Variants in ADAMTSL1 observed in about 807,000 individuals in gnomAD.
ADAMTSL1 encodes the protein ADAMTS like 1.
ADAMTSL1 carries 126 observed loss-of-function variants against 201.8 expected under a neutral mutation model. The observed-to-expected ratio is 0.62, with a 90% CI of 0.54 to 0.72. The LOEUF is 0.72. Among genes scored for constraint, ADAMTSL1 ranks in the 30% least tolerant of loss-of-function variants. The pLI, the probability that ADAMTSL1 is intolerant of heterozygous loss-of-function variation, is 0.00. For missense variants in ADAMTSL1, 2,679 were observed against 2,277.8 expected (o/e 1.18, Z -3.59); for synonymous variants, 1,121 against 903.4 (o/e 1.24, Z -4.32).
chr9:18,818,099 C>G (rs1331528532), intron 21 of ADAMTSL1, among the ~76,000 whole-genome samples: 1 of 152,192 alleles, frequency 6.6e-6, no homozygotes, highest in Non-Finnish European at 1.5e-5. Flanking sequence ...TGAGGCCCAG[C>G]TACTATTTTT....
intron 2 of ADAMTSL1, among the ~76,000 whole-genome samples, chr9:18,375,712 G>A (rs1837260395): frequency 6.6e-6 from 1 of 152,230 alleles, no homozygotes; most frequent in African/African-American, 2.4e-5. Flanking sequence ...TGTGGAGAGT[G>A]AAAGAACAAA....
At chr9:18,828,232 G>C (rs1824716447) in intron 22 of ADAMTSL1, among the ~76,000 whole-genome samples, 1 of 152,160 alleles carries the variant, frequency 6.6e-6, no homozygotes, top group African/African-American at 2.4e-5. Context: ...AGAATTTACA[G>C]TTTTCCTGGG....
In ADAMTSL1 at chr9:18,451,216, C is replaced by T. The variant is rs182882597; in HGVS notation, c.208-53613C>T. ...CTTTTCCTTGAAACAATCATGTTTG[C>T]ATACTCCTTGGAAAGATGTTGGGTA... On this transcript the variant is annotated intron_variant, in intron 2 of 29. Coordinates refer to the ADAMTSL1 transcript ENST00000680146. Among the ~76,000 whole-genome samples the T allele has an allele frequency of 1.0e-3, 159 of 152,264 alleles. 1 individual carries two copies. Among genetic ancestry groups the T allele is most frequent in the Non-Finnish European group, 1.6e-3 (112 of 68,014 alleles).
At chr9:18,276,562 A>C (rs561050245) in intron 2 of ADAMTSL1, among the ~76,000 whole-genome samples, 1 of 152,360 alleles carries the variant, frequency 6.6e-6, no homozygotes, top group Admixed American at 6.5e-5. Context: ...TTGCTAATTT[A>C]GCAAGATGAG....
At chr9:18,217,433 C>T (rs1159312737) in intron 2 of ADAMTSL1, among the ~76,000 whole-genome samples, 1 of 152,090 alleles carries the variant, frequency 6.6e-6, no homozygotes, top group Admixed American at 6.6e-5. Flanking sequence ...CTTTATTCCT[C>T]CCTTTCCTCC....
At chr9:18,807,466 A>C (rs1486197276) in intron 20 of ADAMTSL1, among the ~76,000 whole-genome samples, 2 of 151,986 alleles carry the variant, frequency 1.3e-5, no homozygotes, top group African/African-American at 4.8e-5. Context: ...AACACGGTGA[A>C]ACCCCGTCTC....
intron 1 of ADAMTSL1, among the ~76,000 whole-genome samples, chr9:18,034,147 TA>T (rs927214897): frequency 1.3e-5 from 2 of 152,302 alleles, no homozygotes; most frequent in Non-Finnish European, 2.9e-5. Context: ...AAAACAATCA[TA>T]AAAACTTTTC....
intron 4 of ADAMTSL1, among the ~76,000 whole-genome samples, chr9:18,581,569 T>TGA (rs1221594246): frequency 8.5e-5 from 13 of 152,324 alleles, no homozygotes; most frequent in African/African-American, 3.1e-4. Flanking sequence ...TTCTATCAGC[T>TGA]GAATCAGCTA....
At chr9:18,486,909 A>G (rs1214661443) in intron 1 of ADAMTSL1, among the ~76,000 whole-genome samples, 2 of 152,186 alleles carry the variant, frequency 1.3e-5, no homozygotes, top group African/African-American at 2.4e-5. Context: ...TCATGTCACA[A>G]TTACGAATCT....
At chr9:18,744,608 T>A (rs1355153164) in intron 15 of ADAMTSL1, among the ~76,000 whole-genome samples, 2 of 152,260 alleles carry the variant, frequency 1.3e-5, no homozygotes, top group Non-Finnish European at 2.9e-5. Flanking sequence ...GGTTTCACCC[T>A]TTACATGGAG....
intron 10 of ADAMTSL1, among the ~76,000 whole-genome samples, chr9:18,680,015 C>T (rs1020221853): frequency 1.3e-5 from 2 of 152,196 alleles, no homozygotes; most frequent in African/African-American, 4.8e-5. Context: ...GACAGAACTA[C>T]ATCCTACATC....
At chr9:18,231,705 G>A (rs1255201936) in intron 2 of ADAMTSL1, among the ~76,000 whole-genome samples, 1 of 152,202 alleles carries the variant, frequency 6.6e-6, no homozygotes, top group Non-Finnish European at 1.5e-5. Context: ...CCACTTGGAT[G>A]TCTAAAAGGA....
intron 2 of ADAMTSL1, among the ~76,000 whole-genome samples, chr9:18,314,936 A>G (rs1834313759): frequency 6.6e-6 from 1 of 150,430 alleles, no homozygotes; most frequent in African/African-American, 2.4e-5. Context: ...AGCTGGGACT[A>G]CAGGCGCCCG....
At chr9:18,432,711 G>A (rs928029409) in intron 2 of ADAMTSL1, among the ~76,000 whole-genome samples, 3 of 152,110 alleles carry the variant, frequency 2.0e-5, no homozygotes, top group Non-Finnish European at 4.4e-5. Flanking sequence ...TTTGAAAAAC[G>A]GGAATCATTA....
intron 2 of ADAMTSL1, among the ~76,000 whole-genome samples, chr9:18,529,687 T>C (rs2132084650): frequency 6.6e-6 from 1 of 152,302 alleles, no homozygotes; most frequent in South Asian, 2.1e-4. Context: ...AGTGTTTCTG[T>C]TATAGTTCAC....
At chr9:18,511,828 G>T (rs532600186) in intron 2 of ADAMTSL1, among the ~76,000 whole-genome samples, 1 of 152,224 alleles carries the variant, frequency 6.6e-6, no homozygotes, top group South Asian at 2.1e-4. Context: ...GTAAGATTTT[G>T]CTTCTTAAAC....
chr9:18,766,959 T>G (rs1820401821), intron 16 of ADAMTSL1, among the ~76,000 whole-genome samples: 1 of 152,158 alleles, frequency 6.6e-6, no homozygotes, highest in South Asian at 2.1e-4. Context: ...TTTAGAAGTA[T>G]AGCTTATATG....
chr9:18,027,363 T>G (rs1380468480), intron 1 of ADAMTSL1, among the ~76,000 whole-genome samples: 3 of 151,994 alleles, frequency 2.0e-5, no homozygotes, highest in Non-Finnish European at 4.4e-5. Context: ...CTATAAACTT[T>G]CATCTTAATG....
intron 2 of ADAMTSL1, among the ~76,000 whole-genome samples, chr9:18,390,813 A>G (rs1041994108): frequency 1.3e-5 from 2 of 152,202 alleles, no homozygotes; most frequent in Admixed American, 6.5e-5. Flanking sequence ...AAAACAAAAA[A>G]AAACACCACC....
Sources: allele counts gnomAD v4.1 joint callset (sites outside exome capture counted in the v4.1 genomes callset), GRCh38; gene constraint gnomAD v4.1.1; transcripts MANE v1.5; gene names NCBI Gene and HGNC (gene_info 2026-07-23, HGNC 2026-07-21).